The following PLSCR2 variants were observed in gnomAD, a reference collection of about 807,000 sequenced individuals.
The protein encoded by PLSCR2 is PL scramblase 2.
PLSCR2 carries 18 observed loss-of-function variants against 25.3 expected under a neutral mutation model. The observed-to-expected ratio is 0.71, with a 90% CI of 0.49 to 1.06. The LOEUF (loss-of-function observed/expected upper bound fraction) is 1.06, where lower values mean the gene tolerates loss of function less well. PLSCR2 is among the 50% of genes least tolerant of loss of function. The pLI is 0.00. For synonymous variants in PLSCR2, 88 were observed against 87.3 expected, an observed-to-expected ratio of 1.01 and a Z score of -0.04; for missense variants, 243 against 269.5, an observed-to-expected ratio of 0.90 and a Z score of 0.69.
At chr3:146,447,585 C>G (rs1417360060) in intron 6 of PLSCR2, among the ~76,000 whole-genome samples, 1 of 152,074 alleles carries the variant, frequency 6.6e-6, no homozygotes, top group Non-Finnish European at 1.5e-5. Flanking sequence ...AGAAAAAGAC[C>G]TCTTTACTCT....
Position 146,475,890 on chromosome 3 carries a change from G to A in PLSCR2, c.-292-15606C>T, listed in dbSNP as rs541509260. Reference sequence around the variant, plus strand: ...TCTGGGTATGTGCACAGTTCTGTACGTGCACATTTCCTTCTAAATTTTCAG... The same window carrying A: ...TCTGGGTATGTGCACAGTTCTGTACATGCACATTTCCTTCTAAATTTTCAG... On this transcript the variant is annotated intron_variant, in intron 1 of 8. Transcript: ENST00000336685. Among the ~76,000 whole-genome samples the A allele has an allele frequency of 8.5e-5, 13 of 152,110 alleles. No homozygotes were observed. In the South Asian group the frequency reaches 1.2e-3, roughly 15 times the overall value.
chr3:146,494,433 C>T (rs956486587), intron 1 of PLSCR2, among the ~76,000 whole-genome samples: 1 of 151,936 alleles, frequency 6.6e-6, no homozygotes, highest in Non-Finnish European at 1.5e-5. Context: ...TACATGTGTG[C>T]ATATACAGTG....
intron 2 of PLSCR2, among the ~76,000 whole-genome samples, chr3:146,407,459 T>G (rs2038693539): frequency 6.6e-6 from 1 of 152,220 alleles, no homozygotes; most frequent in Admixed American, 6.5e-5. Flanking sequence ...AATTTCCCAG[T>G]TTTCTTCTGG....
At chr3:146,472,717 G>T (rs1198308375) in intron 1 of PLSCR2, among the ~76,000 whole-genome samples, 1 of 152,102 alleles carries the variant, frequency 6.6e-6, no homozygotes, top group Non-Finnish European at 1.5e-5. Context: ...TGGTGATTAG[G>T]CTTCAACATA....
At chr3:146,426,454 GC>G (rs1437796216) in intron 2 of PLSCR2, among the ~76,000 whole-genome samples, 3 of 152,034 alleles carry the variant, frequency 2.0e-5, no homozygotes, top group African/African-American at 7.2e-5. Flanking sequence ...ATCTTCACTT[GC>G]CCAAATTACT....
intron 2 of PLSCR2, among the ~76,000 whole-genome samples, chr3:146,403,312 A>G (rs533348073): frequency 1.3e-5 from 2 of 152,284 alleles, no homozygotes; most frequent in African/African-American, 4.8e-5. Flanking sequence ...CTTCATTTAG[A>G]GTGGTAGTTC....
chr3:146,459,761 A>T, intron 2 of PLSCR2, 87 bp downstream of exon 2: 1 of 887,216 alleles, frequency 1.1e-6, no homozygotes, highest in Non-Finnish European at 1.8e-6. Context: ...TAAATAAATA[A>T]GTATCACTTA....
chr3:146,428,702 A>G (rs2039439085), downstream of PLSCR2, among the ~76,000 whole-genome samples: 1 of 152,190 alleles, frequency 6.6e-6, no homozygotes, highest in Non-Finnish European at 1.5e-5. Flanking sequence ...CTATGAGGCT[A>G]AGAAAAAACA....
intron 1 of PLSCR2, among the ~76,000 whole-genome samples, chr3:146,492,995 A>C (rs2043606270): frequency 7.5e-6 from 1 of 133,434 alleles, no homozygotes; most frequent in Non-Finnish European, 1.6e-5. Flanking sequence ...CCACAGAAAT[A>C]CAAAAAAAAA....
At chr3:146,417,603 A>C (rs1003413419) in intron 2 of PLSCR2, among the ~76,000 whole-genome samples, 48 of 152,272 alleles carry the variant, frequency 3.2e-4, no homozygotes, top group African/African-American at 1.2e-3. Flanking sequence ...TGTATGTTTA[A>C]ATTTATGAGA....
intron 1 of PLSCR2, among the ~76,000 whole-genome samples, chr3:146,477,058 G>A (rs183058420): frequency 2.4e-4 from 37 of 152,320 alleles, no homozygotes; most frequent in African/African-American, 8.9e-4. Context: ...AGCTGGGTGA[G>A]AACCCCCGCA....
chr3:146,455,352 C>T lies in PLSCR2; in HGVS notation c.208G>A (p.Gly70Arg). 1 of 1,613,594 alleles carries T rather than the reference C, an allele frequency of 6.2e-7. No individual in the cohort carries two copies. Among genetic ancestry groups the T allele is most frequent in the Non-Finnish European group, 8.5e-7 (1 of 1,179,556 alleles). Residue 70 changes from glycine (G) to arginine (R), a missense_variant, in exon 4 of 7, where the codon GGG becomes AGG. Transcript: ENST00000610787. ...CTCAAGGTAAAAGGTCTAGACCGCC[C>T]ACAGCAATTTCGGATACAGAAATTA...
chr3:146,472,472 C>T (rs1259546061), intron 1 of PLSCR2, among the ~76,000 whole-genome samples: 1 of 152,188 alleles, frequency 6.6e-6, no homozygotes, highest in Non-Finnish European at 1.5e-5. Flanking sequence ...GTCCTGGAGG[C>T]TGACAAATCC....
chr3:146,413,955 A>G (rs1005417410), intron 2 of PLSCR2, among the ~76,000 whole-genome samples: 6 of 152,074 alleles, frequency 3.9e-5, no homozygotes, highest in Non-Finnish European at 7.4e-5. Flanking sequence ...GGTAATATAT[A>G]AAGAACAGAG....
At chr3:146,462,468 CTTTT>C (rs35843946), upstream of PLSCR2, among the ~76,000 whole-genome samples, 1 of 144,954 alleles carries the variant, frequency 6.9e-6, no homozygotes, top group Admixed American at 6.9e-5. Context: ...TCTTTTCTTT[CTTTT>C]TTTTTTTTTG....
chr3:146,413,526 C>G (rs1254660322), intron 2 of PLSCR2, among the ~76,000 whole-genome samples: 1 of 152,168 alleles, frequency 6.6e-6, no homozygotes, highest in Non-Finnish European at 1.5e-5. Context: ...TATCCTCATT[C>G]ATTATGCTTA....
chr3:146,441,798 A>G, exon 7 of PLSCR2: 1 of 1,593,020 alleles, frequency 6.3e-7, no homozygotes, highest in Non-Finnish European at 8.6e-7. Context: ...GTCATTACCT[A>G]GTTCTTTCAA....
chr3:146,406,808 G>A (rs562816543), intron 2 of PLSCR2, among the ~76,000 whole-genome samples: 24 of 152,222 alleles, frequency 1.6e-4, no homozygotes, highest in African/African-American at 5.5e-4. Context: ...CCTTCTTTCT[G>A]GAACTTTTTA....
chr3:146,400,269 T>A (rs541162745), intron 2 of PLSCR2, among the ~76,000 whole-genome samples: 18 of 151,830 alleles, frequency 1.2e-4, no homozygotes, highest in Non-Finnish European at 2.4e-4. Context: ...AATTTGTAAG[T>A]AATTTTTGAC....
Sources: gnomAD v4.1 joint callset for allele counts (sites outside exome capture counted in the v4.1 genomes callset) on GRCh38, gnomAD v4.1.1 for gene constraint, MANE v1.5 for transcripts, NCBI Gene and HGNC (gene_info 2026-07-23, HGNC 2026-07-21) for gene names.